Variants in MBOAT2 observed in about 807,000 individuals in gnomAD.
MBOAT2 encodes the protein membrane-bound glycerophospholipid O-acyltransferase 2.
MBOAT2 carries 28 observed loss-of-function variants against 63.4 expected under a neutral mutation model. The ratio of observed to expected loss-of-function variants is 0.44; its 90% confidence interval spans 0.33 to 0.61. The LOEUF is 0.61. Ranked by LOEUF, MBOAT2 falls within the 20% of genes least tolerant of loss-of-function variation. The pLI is 0.03. For missense variants in MBOAT2, 470 were observed against 605.8 expected, an observed-to-expected ratio of 0.78 and a Z score of 2.35; for synonymous variants, 211 against 215.6, an observed-to-expected ratio of 0.98 and a Z score of 0.19.
At chr2:8,863,441 C>A (rs986098349) in intron 10 of MBOAT2, among the ~76,000 whole-genome samples, 11 of 152,132 alleles carry the variant, frequency 7.2e-5, no homozygotes, top group Non-Finnish European at 1.3e-4. Flanking sequence ...GATAAGAGAA[C>A]CCCTGGGAGG....
intron 4 of MBOAT2, among the ~76,000 whole-genome samples, chr2:8,898,685 T>C (rs1202498503): frequency 6.6e-6 from 1 of 152,226 alleles, no homozygotes; most frequent in Non-Finnish European, 1.5e-5. Flanking sequence ...AGGGGAGGGC[T>C]ATCCCTAAAC....
chr2:9,001,698 A>G (rs987586360), intron 1 of MBOAT2, among the ~76,000 whole-genome samples: 1 of 152,230 alleles, frequency 6.6e-6, no homozygotes, highest in African/African-American at 2.4e-5. Flanking sequence ...TTCAGTACTG[A>G]AAAGAACTTT....
chr2:8,884,416 G>C (rs907473526), intron 5 of MBOAT2, among the ~76,000 whole-genome samples: 2 of 150,412 alleles, frequency 1.3e-5, no homozygotes, highest in Admixed American at 6.6e-5. Context: ...CCCCAAAAAA[G>C]GGTAATTCCT....
At chr2:8,877,689 A>G (rs1662795203) in intron 6 of MBOAT2, among the ~76,000 whole-genome samples, 1 of 152,366 alleles carries the variant, frequency 6.6e-6, no homozygotes. Context: ...AGTGTTACAA[A>G]AAGAAGGAAC....
chr2:8,960,283 C>A (rs1669517252), intron 1 of MBOAT2, among the ~76,000 whole-genome samples: 1 of 152,048 alleles, frequency 6.6e-6, no homozygotes, highest in Non-Finnish European at 1.5e-5. Context: ...TCAGATAGCT[C>A]CTAATTTAAT....
At chr2:8,864,396 C>A (rs1261450363) in intron 9 of MBOAT2, among the ~76,000 whole-genome samples, 162 bp from the exon 10 acceptor site, 3 of 151,830 alleles carry the variant, frequency 2.0e-5, no homozygotes, top group Non-Finnish European at 4.4e-5. Flanking sequence ...GTGGTAACAT[C>A]ATTCTACGTA....
At chr2:8,895,051 C>T (rs181602954) in intron 4 of MBOAT2, among the ~76,000 whole-genome samples, 319 of 152,246 alleles carry the variant, frequency 2.1e-3, no homozygotes, top group Middle Eastern at 0.014. Context: ...TGAGTGTTAC[C>T]GCCTCATAAA....
intron 8 of MBOAT2, among the ~76,000 whole-genome samples, chr2:8,869,790 G>A (rs528857245): frequency 1.4e-4 from 21 of 152,318 alleles, no homozygotes; most frequent in Admixed American, 1.4e-3. Context: ...CATACCCATA[G>A]AAATGGCTGC....
rs139600453 is a variant in MBOAT2 at position 8,962,676 on chromosome 2, C to CTA, written c.76-4036_76-4035dup. On this transcript the variant is annotated intron_variant, in intron 1 of 12. Coordinates refer to ENST00000305997, the MANE Select transcript of MBOAT2 (RefSeq NM_138799.4). ...CATAACCTAGCTATGAAAACTAAAA[C>CTA]TATATATATATATATCCTAGACAAG... 1.2e-3 allele frequency among the ~76,000 whole-genome samples: 184 copies of CTA among 149,572 alleles called. 1 individual carries two copies. The highest frequency in any genetic ancestry group is 3.4e-3 in the South Asian group (16 of 4,710).
At chr2:8,977,463 C>T (rs1183313458) in intron 1 of MBOAT2, among the ~76,000 whole-genome samples, 1 of 152,122 alleles carries the variant, frequency 6.6e-6, no homozygotes, top group Non-Finnish European at 1.5e-5. Context: ...AAATTCTCAT[C>T]ACTTCAAGTT....
At chr2:8,960,809 A>G (rs1669550697) in intron 1 of MBOAT2, among the ~76,000 whole-genome samples, 1 of 152,254 alleles carries the variant, frequency 6.6e-6, no homozygotes, top group African/African-American at 2.4e-5. Context: ...AAAAATATGT[A>G]TAAAAAATAA....
chr2:8,975,098 A>T (rs1000962316), intron 1 of MBOAT2, among the ~76,000 whole-genome samples: 2 of 152,170 alleles, frequency 1.3e-5, no homozygotes, highest in African/African-American at 4.8e-5. Context: ...TCTACAGATT[A>T]CCTAGAAAGA....
Position 8,924,676 on chromosome 2 carries a change from C to T in MBOAT2, c.300-15960G>A, listed in dbSNP as rs570433726. Among the ~76,000 whole-genome samples the T allele has an allele frequency of 7.3e-5, 11 of 151,140 alleles. No homozygotes were observed. In the East Asian group the frequency reaches 1.4e-3, roughly 19 times the overall value. ...TTTGTTTACAGATGACAAAAATGAA[C>T]CAAACCCCCACCCAGCTATGGTTCA... On this transcript the variant is annotated intron_variant, in intron 3 of 12. Transcript: ENST00000305997.
chr2:8,988,371 T>C (rs1295028738), intron 1 of MBOAT2, among the ~76,000 whole-genome samples: 2 of 152,224 alleles, frequency 1.3e-5, no homozygotes, highest in Non-Finnish European at 2.9e-5. Context: ...AACTTTCAAA[T>C]ATGTATAAAC....
At chr2:8,893,738 CAGAG>C (rs1211396123) in intron 4 of MBOAT2, among the ~76,000 whole-genome samples, 15 of 152,184 alleles carry the variant, frequency 9.9e-5, no homozygotes, top group Non-Finnish European at 5.9e-5. Context: ...AAGGTCTGCA[CAGAG>C]AGAGCTGAGG....
chr2:8,962,829 C>T (rs562180077), intron 1 of MBOAT2, among the ~76,000 whole-genome samples: 1 of 151,796 alleles, frequency 6.6e-6, no homozygotes, highest in East Asian at 1.9e-4. Context: ...TAAAAACATC[C>T]TAAGTAACAA....
At chr2:8,881,501 C>T (rs1663135375) in intron 6 of MBOAT2, among the ~76,000 whole-genome samples, 1 of 152,124 alleles carries the variant, frequency 6.6e-6, no homozygotes, top group Non-Finnish European at 1.5e-5. Context: ...CAGCATTCTT[C>T]CCCTGTTCAG....
In MBOAT2 at chr2:8,862,460, G is replaced by A. The variant is rs1230946350; in HGVS notation, c.1185+130C>T. On this transcript the variant is annotated intron_variant, in intron 11 of 12. Coordinates refer to ENST00000305997, the MANE Select transcript of MBOAT2 (RefSeq NM_138799.4). The surrounding 1 kb of genome is among the most constrained non-coding windows in gnomAD (Gnocchi z 4.3). ...CAAACATGCACGCAGTACACACCTC[G>A]CTTCTAGTGGAAAGGACAATACTGA... 7.5e-6 allele frequency: 10 copies of A among 1,330,720 alleles called. No individual in the cohort carries two copies. The highest frequency in any genetic ancestry group is 4.4e-5 in the Admixed American group (2 of 45,970). 82.4% of individuals were successfully genotyped at this position (1,330,720 alleles called of 1,614,324 possible). A position where few individuals can be genotyped will look rare whatever the true frequency, so the allele number is the denominator to read the frequency against.
chr2:8,904,631 TCAAA>T (rs1403360015), intron 4 of MBOAT2, among the ~76,000 whole-genome samples: 3 of 152,218 alleles, frequency 2.0e-5, no homozygotes, highest in African/African-American at 4.8e-5. Flanking sequence ...GTTTTATTAT[TCAAA>T]CAAACAGTCT....
Sources: allele counts gnomAD v4.1 joint callset (sites outside exome capture counted in the v4.1 genomes callset), GRCh38; gene constraint gnomAD v4.1.1; non-coding constraint Gnocchi (gnomAD v3.1); transcripts MANE v1.5; gene names NCBI Gene and HGNC (gene_info 2026-07-23, HGNC 2026-07-21).